The following AUTS2 variants were observed in gnomAD, a reference collection of about 807,000 sequenced individuals.
The protein encoded by AUTS2 is activator of transcription and developmental regulator AUTS2.
A neutral mutation model predicts 112.4 loss-of-function variants in AUTS2; 17 were observed. The ratio of observed to expected loss-of-function variants is 0.15; its 90% CI spans 0.10 to 0.23. The LOEUF (loss-of-function observed/expected upper bound fraction) is 0.23, where lower values mean the gene tolerates loss of function less well. AUTS2 is among the 10% of genes least tolerant of loss of function. The probability of loss-of-function intolerance (pLI) is 1.00; values close to 1 mark genes in which losing one functional copy is unlikely to be tolerated. For synonymous variants in AUTS2, 751 were observed against 702.7 expected, an observed-to-expected ratio of 1.07 and a Z score of -1.09; for missense variants, 1,510 against 1,701.6, an observed-to-expected ratio of 0.89 and a Z score of 1.98.
chr7:70,481,033 T>C (rs1355680032), intron 5 of AUTS2, among the ~76,000 whole-genome samples: 1 of 152,092 alleles, frequency 6.6e-6, no homozygotes, highest in Non-Finnish European at 1.5e-5. Context: ...AGTTGAAGGC[T>C]CATGTTGAAA....
At chr7:70,082,677 GCC>G (rs1803380549) in intron 2 of AUTS2, among the ~76,000 whole-genome samples, 1 of 152,084 alleles carries the variant, frequency 6.6e-6, no homozygotes, top group African/African-American at 2.4e-5. Context: ...CTTTTATGTA[GCC>G]CTTAACTAGC....
chr7:70,463,079 C>T (rs1797033585), intron 5 of AUTS2, among the ~76,000 whole-genome samples: 1 of 152,174 alleles, frequency 6.6e-6, no homozygotes, highest in Non-Finnish European at 1.5e-5. Context: ...CACTAGAAAG[C>T]CGTAGGCCTG....
intron 2 of AUTS2, among the ~76,000 whole-genome samples, chr7:69,915,154 G>C (rs1795525192): frequency 6.6e-6 from 1 of 152,182 alleles, no homozygotes; most frequent in Non-Finnish European, 1.5e-5. Flanking sequence ...AGTTCAAAGG[G>C]AGACAAGGTT....
chr7:70,746,041 G>A (rs6946969), intron 6 of AUTS2, among the ~76,000 whole-genome samples: 74,035 of 152,154 alleles, frequency 0.49, 21,021 homozygotes, highest in East Asian at 0.77. Context: ...TGCTCACTCT[G>A]TGGAAGGCAT....
chr7:70,663,200 G>T (rs1028879319), intron 5 of AUTS2, among the ~76,000 whole-genome samples: 2 of 152,130 alleles, frequency 1.3e-5, no homozygotes, highest in Admixed American at 1.3e-4. Flanking sequence ...TTTGAGACCA[G>T]CCTGGCCAAC....
chr7:70,028,273 C>T (rs189642675), intron 2 of AUTS2, among the ~76,000 whole-genome samples: 11 of 152,162 alleles, frequency 7.2e-5, no homozygotes, highest in Admixed American at 2.6e-4. Flanking sequence ...TCTTAAACTT[C>T]GTGCATTCTA....
chr7:69,730,663 C>T (rs556340507), intron 1 of AUTS2, among the ~76,000 whole-genome samples: 2 of 152,126 alleles, frequency 1.3e-5, no homozygotes, highest in African/African-American at 4.8e-5. Flanking sequence ...TGCACTTAAG[C>T]CTTCTCTTAA....
At chr7:69,779,998 G>A (rs1562878146) in intron 1 of AUTS2, among the ~76,000 whole-genome samples, 1 of 151,894 alleles carries the variant, frequency 6.6e-6, no homozygotes, top group Non-Finnish European at 1.5e-5. Flanking sequence ...TGAGACTACA[G>A]GTGTATGCCA....
intron 4 of AUTS2, among the ~76,000 whole-genome samples, chr7:70,323,626 CCAACCATGCCA>C (rs1222870931): frequency 2.6e-5 from 4 of 152,166 alleles, no homozygotes; most frequent in African/African-American, 7.2e-5. Context: ...ATAAAGCCAG[CCAACCATGCCA>C]CAATCCTGAT....
At chr7:70,349,483 T>G (rs964129525) in intron 4 of AUTS2, among the ~76,000 whole-genome samples, 23 of 152,202 alleles carry the variant, frequency 1.5e-4, no homozygotes, top group Non-Finnish European at 3.1e-4. Context: ...TTGAAGGACT[T>G]TTTTTGTGGC....
At chr7:70,145,273 A>G (rs910329487) in intron 4 of AUTS2, among the ~76,000 whole-genome samples, 4 of 152,154 alleles carry the variant, frequency 2.6e-5, no homozygotes, top group Non-Finnish European at 4.4e-5. Flanking sequence ...ACCTGTGGGC[A>G]TACTTAACAT....
chr7:70,481,352 G>A (rs910068948), intron 5 of AUTS2, among the ~76,000 whole-genome samples: 14 of 152,304 alleles, frequency 9.2e-5, no homozygotes, highest in South Asian at 6.2e-4. Flanking sequence ...TAAATGCCAC[G>A]TCATGAGTTT....
intron 1 of AUTS2, among the ~76,000 whole-genome samples, chr7:69,897,655 G>T (rs975009167): frequency 6.6e-6 from 1 of 152,164 alleles, no homozygotes; most frequent in African/African-American, 2.4e-5. Flanking sequence ...CTACTCGGGA[G>T]GCTGAGGCAG....
chr7:69,849,215 A>G (rs1239019790), intron 1 of AUTS2, among the ~76,000 whole-genome samples: 1 of 152,192 alleles, frequency 6.6e-6, no homozygotes, highest in South Asian at 2.1e-4. Flanking sequence ...CAGCTAACCA[A>G]TATTCAAGAG....
At chr7:70,232,960 T>A (rs1024811813) in intron 4 of AUTS2, among the ~76,000 whole-genome samples, 2 of 152,234 alleles carry the variant, frequency 1.3e-5, no homozygotes, top group African/African-American at 4.8e-5. Context: ...AAACAAAACT[T>A]ACTGCTTTTT....
At chr7:70,132,775 G>A (rs1347287815) in intron 3 of AUTS2, among the ~76,000 whole-genome samples, 1 of 152,172 alleles carries the variant, frequency 6.6e-6, no homozygotes, top group Non-Finnish European at 1.5e-5. Flanking sequence ...GTGGGGGTAG[G>A]GAAGTGGGTT....
chr7:70,013,586 G>C (rs1356254779), intron 2 of AUTS2, among the ~76,000 whole-genome samples: 1 of 152,186 alleles, frequency 6.6e-6, no homozygotes, highest in African/African-American at 2.4e-5. Context: ...ACATAGCTGT[G>C]GGGGATGAAA....
intron 4 of AUTS2, among the ~76,000 whole-genome samples, chr7:70,231,718 A>C (rs1314035695): frequency 6.7e-6 from 1 of 149,392 alleles, no homozygotes; most frequent in Non-Finnish European, 1.5e-5. Context: ...CTAGGATTAC[A>C]GGTGTGAGCC....
intron 6 of AUTS2, among the ~76,000 whole-genome samples, chr7:70,733,378 G>A (rs1457250730): frequency 6.6e-6 from 1 of 152,198 alleles, no homozygotes. Context: ...CCTCACTGCT[G>A]CAGGACAAAT....
Sources: allele counts gnomAD v4.1 joint callset (sites outside exome capture counted in the v4.1 genomes callset), GRCh38; gene constraint gnomAD v4.1.1; transcripts MANE v1.5; gene names NCBI Gene and HGNC (gene_info 2026-07-23, HGNC 2026-07-21).